The following SATL1 variants were observed in gnomAD, a reference collection of about 807,000 sequenced individuals.
SATL1 encodes the protein spermidine/spermine N(1)-acetyltransferase-like protein 1.
Under a neutral mutation model 51.8 loss-of-function variants are expected in SATL1, and 47 were observed. That is an observed-to-expected ratio of 0.91 (90% confidence interval 0.72 to 1.16). The LOEUF (loss-of-function observed/expected upper bound fraction) is 1.16. Ranked by LOEUF, SATL1 falls within the 50% of genes most tolerant of loss-of-function variation. The pLI, the probability that SATL1 is intolerant of heterozygous loss-of-function variation, is 0.00. For missense variants in SATL1, 520 were observed against 526.4 expected (o/e 0.99, Z 0.12); for synonymous variants, 176 against 182.4 (o/e 0.97, Z 0.28).
chrX:85,224,647 G>T (rs186832826), intron 1 of SATL1, among the ~76,000 whole-genome samples: 41 of 109,319 alleles, frequency 3.8e-4, no homozygotes, highest in Admixed American at 3.4e-3. Context: ...GATTGAAGGG[G>T]AAGTGTGATA....
At chrX:85,147,901 C>G (rs1051598626) in intron 2 of SATL1, among the ~76,000 whole-genome samples, 3 of 111,642 alleles carry the variant, frequency 2.7e-5, no homozygotes, top group African/African-American at 9.8e-5. Flanking sequence ...ACTGGAAACT[C>G]TAAAAAGCAG....
chrX:85,137,745 T>C (rs1332914439), intron 2 of SATL1, among the ~76,000 whole-genome samples: 1 of 111,900 alleles, frequency 8.9e-6, no homozygotes, highest in Non-Finnish European at 1.9e-5. Flanking sequence ...CAAATATTTC[T>C]TCTGTTCTTT....
chrX:85,205,298 C>T (rs182341796), intron 2 of SATL1, among the ~76,000 whole-genome samples: 3 of 112,161 alleles, frequency 2.7e-5, no homozygotes, highest in Non-Finnish European at 1.9e-5. Context: ...TGCCTAAAAC[C>T]GTTCTATACA....
intron 2 of SATL1, among the ~76,000 whole-genome samples, chrX:85,183,962 T>C (rs1394182986): frequency 9.0e-6 from 1 of 111,433 alleles, no homozygotes; most frequent in East Asian, 2.8e-4. Flanking sequence ...CAGGCTCCAG[T>C]AACCGTCATT....
At chrX:85,241,167 T>TA in intron 1 of SATL1, among the ~76,000 whole-genome samples, 1 of 111,607 alleles carries the variant, frequency 9.0e-6, no homozygotes, top group Middle Eastern at 4.6e-3. Flanking sequence ...ATGGTAGTTT[T>TA]ATTATAATGT....
intron 2 of SATL1, among the ~76,000 whole-genome samples, chrX:85,151,004 T>C (rs1000812841): frequency 9.0e-6 from 1 of 110,694 alleles, no homozygotes; most frequent in Non-Finnish European, 1.9e-5. Context: ...GGCATTCAAT[T>C]AGGAAAAGAG....
At chrX:85,103,228 T>A (rs1007305846) in intron 4 of SATL1, among the ~76,000 whole-genome samples, 2 of 111,288 alleles carry the variant, frequency 1.8e-5, no homozygotes, top group African/African-American at 6.5e-5. Flanking sequence ...AAACATCCCA[T>A]AACTTCCTTC....
chrX:85,102,156 A>G (rs1285194883), intron 4 of SATL1, among the ~76,000 whole-genome samples: 1 of 109,749 alleles, frequency 9.1e-6, no homozygotes, highest in African/African-American at 3.3e-5. Flanking sequence ...ATATGTACAC[A>G]TGTGCCATGT....
At chrX:85,165,826 C>T (rs948584495) in intron 2 of SATL1, among the ~76,000 whole-genome samples, 3 of 111,306 alleles carry the variant, frequency 2.7e-5, no homozygotes, top group African/African-American at 9.8e-5. Context: ...CAAAGCAAGA[C>T]TAAACAAAAA....
chrX:85,165,222 G>T (rs1166387185), intron 2 of SATL1, among the ~76,000 whole-genome samples: 2 of 110,935 alleles, frequency 1.8e-5, no homozygotes, highest in Non-Finnish European at 3.8e-5. Flanking sequence ...TTTCTTGGCG[G>T]CTTTGTTCAT....
intron 2 of SATL1, among the ~76,000 whole-genome samples, chrX:85,145,045 T>A (rs1374855147): frequency 9.2e-6 from 1 of 108,814 alleles, no homozygotes; most frequent in African/African-American, 3.4e-5. Context: ...CAAAAAAAAA[T>A]AAAATAAATA....
At chrX:85,221,935 T>C (rs1442365643) in intron 2 of SATL1, among the ~76,000 whole-genome samples, 1 of 112,110 alleles carries the variant, frequency 8.9e-6, no homozygotes, top group Non-Finnish European at 1.9e-5. Flanking sequence ...TTCAGAGTTT[T>C]AGCCTCTTGA....
Position 85,185,530 on chromosome X carries a change from C to T in SATL1, c.-313+38675G>A, listed in dbSNP as rs774372979. On this transcript the variant is annotated intron_variant, in intron 2 of 7. Coordinates refer to ENST00000644105, the MANE Select transcript of SATL1 (RefSeq NM_001367857.2). The stretch of plus-strand genomic sequence containing the variant: ...TATTCTACTGTAGCTGATCTGCCAC[C>T]CAAGCCACAAGACAAAGTCCTTCCT... Among the ~76,000 whole-genome samples, 319 of 111,108 alleles carry T rather than the reference C, an allele frequency of 2.9e-3. 2 individuals are homozygous for T. The highest frequency in any genetic ancestry group is 0.01 in the African/African-American group (307 of 30,597).
intron 1 of SATL1, among the ~76,000 whole-genome samples, chrX:85,237,501 T>C (rs1928503735): frequency 9.0e-6 from 1 of 111,642 alleles, no homozygotes; most frequent in African/African-American, 3.3e-5. Flanking sequence ...CTGGGAAAAC[T>C]GGATTTGTAT....
At chrX:85,126,549 G>A (rs1467297060) in intron 2 of SATL1, among the ~76,000 whole-genome samples, 7 of 110,808 alleles carry the variant, frequency 6.3e-5, no homozygotes, top group East Asian at 2.8e-4. Context: ...TGCCGCTTTC[G>A]GTATAATGAG....
At chrX:85,178,935 T>C (rs1927142089) in intron 2 of SATL1, among the ~76,000 whole-genome samples, 1 of 111,758 alleles carries the variant, frequency 8.9e-6, no homozygotes, top group Admixed American at 9.5e-5. Context: ...CTTCAGGAGA[T>C]GCTCTCTGGC....
chrX:85,092,727 A>T, intron 7 of SATL1, 166 bp from the exon 8 acceptor site: 1 of 466,049 alleles, frequency 2.1e-6, no homozygotes, highest in Non-Finnish European at 3.4e-6. Context: ...AAAAGAAAAA[A>T]GTCTCACTGT....
Position 85,109,070 on chromosome X carries a change from T to A in SATL1, c.-102A>T. The A allele has an allele frequency of 3.7e-6, 3 of 810,014 alleles. No homozygotes were observed. The highest frequency in any genetic ancestry group is 5.3e-6 in the Non-Finnish European group (3 of 568,265). 66.8% of individuals were successfully genotyped at this position (810,014 alleles called of 1,213,427 possible). The stretch of plus-strand genomic sequence containing the variant: ...GCTGTCTTGATGGAACAGAATCCCT[T>A]AACTGTGCTGTGGTGGGAGGTTGTT... On this transcript the variant is annotated 5_prime_UTR_variant, in exon 3 of 8. Coordinates refer to ENST00000644105, the MANE Select transcript of SATL1 (RefSeq NM_001367857.2).
At chrX:85,224,938 C>G (rs188807827) in intron 1 of SATL1, among the ~76,000 whole-genome samples, 22 of 110,953 alleles carry the variant, frequency 2.0e-4, no homozygotes, top group Admixed American at 1.9e-3. Context: ...CACTGCTCAA[C>G]AATAAAAAGA....
Sources: allele counts gnomAD v4.1 joint callset (sites outside exome capture counted in the v4.1 genomes callset), GRCh38; gene constraint gnomAD v4.1.1; transcripts MANE v1.5; gene names NCBI Gene and HGNC (gene_info 2026-07-23, HGNC 2026-07-21).